EFCAB5: variants seen among roughly 807,000 people sequenced by gnomAD.
The protein encoded by EFCAB5 is EF-hand calcium-binding domain-containing protein 5.
EFCAB5 carries 131 observed loss-of-function variants against 167.9 expected under a neutral mutation model. The ratio of observed to expected loss-of-function variants is 0.78; its 90% CI spans 0.68 to 0.90. The LOEUF (loss-of-function observed/expected upper bound fraction) is 0.90. EFCAB5 is among the 40% of genes least tolerant of loss of function. The pLI is 0.00. For missense variants in EFCAB5, 1,663 were observed against 1,745.2 expected, an observed-to-expected ratio of 0.95 and a Z score of 0.84; for synonymous variants, 574 against 602.8, an observed-to-expected ratio of 0.95 and a Z score of 0.70.
intron 3 of EFCAB5, among the ~76,000 whole-genome samples, chr17:29,947,053 A>G (rs868709737): frequency 6.6e-6 from 1 of 151,950 alleles, no homozygotes; most frequent in Non-Finnish European, 1.5e-5. Flanking sequence ...AGGTGCCTGT[A>G]GTCCCAGTTA....
intron 14 of EFCAB5, chr17:30,068,684 A>G: frequency 3.8e-6 from 6 of 1,574,670 alleles, no homozygotes. Context: ...GTGAAGACGC[A>G]GAACAAGGCA....
chr17:30,064,511 G>A (rs2070509051), intron 14 of EFCAB5, among the ~76,000 whole-genome samples: 1 of 152,114 alleles, frequency 6.6e-6, no homozygotes, highest in South Asian at 2.1e-4. Context: ...AGTGAAGAAA[G>A]CCTACAATTA....
chr17:29,944,319 G>A (rs986436807), intron 3 of EFCAB5, among the ~76,000 whole-genome samples: 15 of 152,108 alleles, frequency 9.9e-5, no homozygotes, highest in Non-Finnish European at 7.4e-5. Flanking sequence ...GGACTCAGGC[G>A]ATCCTCCTGT....
chr17:30,099,731 G>A (rs902835052), intron 22 of EFCAB5, among the ~76,000 whole-genome samples: 2 of 152,178 alleles, frequency 1.3e-5, no homozygotes, highest in Admixed American at 1.3e-4. Flanking sequence ...CTCTGCTGAG[G>A]AGGTGGGTGG....
chr17:30,090,509 A>G lies in EFCAB5; in HGVS notation c.3772A>G (p.Arg1258Gly), dbSNP rs772733174. 6 of 1,613,902 alleles carry G rather than the reference A, an allele frequency of 3.7e-6. No individual in the cohort carries two copies. Among genetic ancestry groups the G allele is most frequent in the Admixed American group, 3.3e-5 (2 of 60,002 alleles). ...GCATATAGTAGTTCCACTTCGTGAGAGAACAGGAGAGGCTCTGGGAGTCCT... is the reference window on the plus strand; with the variant it reads ...GCATATAGTAGTTCCACTTCGTGAGGGAACAGGAGAGGCTCTGGGAGTCCT... ...ETHIVVPLRE[R>G]TGEALGVLDF... Residue 1258 changes from arginine (R) to glycine (G), a missense_variant, in exon 20 of 23, where the codon AGA (arginine) becomes GGA (glycine). By Grantham distance (125) the Arg-to-Gly change is moderately radical (BLOSUM62 -2). Transcript: ENST00000394835.
At position 30,090,520 on chromosome 17, in the gene EFCAB5, G is replaced by C. The variant is rs573288417; in HGVS notation, c.3783G>C (p.Glu1261Asp). 3 of 1,613,886 alleles carry C rather than the reference G, an allele frequency of 1.9e-6. No homozygotes were observed. The highest frequency in any genetic ancestry group is 2.5e-6 in the Non-Finnish European group (3 of 1,179,888). Reference sequence around the variant, plus strand: ...TTCCACTTCGTGAGAGAACAGGAGAGGCTCTGGGAGTCCTCGATTTTAACA... The same window carrying C: ...TTCCACTTCGTGAGAGAACAGGAGACGCTCTGGGAGTCCTCGATTTTAACA... ...IVVPLRERTG[E>D]ALGVLDFNIG... The change falls in exon 20 of 23, where the codon GAG becomes GAC. Residue 1261 changes from glutamate to aspartate, a missense_variant. Physicochemically the swap from Glu to Asp is conservative, Grantham distance 45. Coordinates refer to ENST00000394835, the MANE Select transcript of EFCAB5 (RefSeq NM_198529.4).
At chr17:30,022,274 G>T (rs2069198148) in intron 7 of EFCAB5, among the ~76,000 whole-genome samples, 1 of 152,130 alleles carries the variant, frequency 6.6e-6, no homozygotes, top group Admixed American at 6.6e-5. Flanking sequence ...ATGGGAGTGT[G>T]TCTGTAGGTA....
intron 14 of EFCAB5, chr17:30,074,151 G>GAC (rs967242368): frequency 6.6e-5 from 10 of 152,150 alleles, no homozygotes; most frequent in African/African-American, 1.9e-4. Context: ...TTTTGGGGGA[G>GAC]ACAGAGTCTC....
At position 30,092,069 on chromosome 17, in the gene EFCAB5, T is replaced by C; in HGVS notation, c.4136T>C (p.Val1379Ala). Residue 1379 changes from valine to alanine, a missense_variant, in exon 21 of 23, where the codon GTG (valine) becomes GCG (alanine). Coordinates refer to ENST00000394835, the MANE Select transcript of EFCAB5 (RefSeq NM_198529.4). ...SMELEANVKLVRDILKAVILF... is the reference protein window; with the variant it reads ...SMELEANVKLARDILKAVILF... ...GAGTTGGAAGCCAACGTGAAACTAGTGCGTGACATCCTGAAGGCGGTTATC... is the reference window on the plus strand; with the variant it reads ...GAGTTGGAAGCCAACGTGAAACTAGCGCGTGACATCCTGAAGGCGGTTATC... The C allele has an allele frequency of 1.2e-6, 2 of 1,613,990 alleles. No homozygotes were observed. The highest frequency in any genetic ancestry group is 1.7e-6 in the Non-Finnish European group (2 of 1,179,866).
chr17:30,002,286 G>A (rs532050831), intron 7 of EFCAB5, among the ~76,000 whole-genome samples: 63 of 152,168 alleles, frequency 4.1e-4, no homozygotes, highest in South Asian at 1.5e-3. Flanking sequence ...GTTATATTTT[G>A]CATGACTTTA....
intron 19 of EFCAB5, among the ~76,000 whole-genome samples, chr17:30,089,086 C>A (rs2071144774): frequency 6.6e-6 from 1 of 152,054 alleles, no homozygotes; most frequent in Non-Finnish European, 1.5e-5. Context: ...GCTATCCCTC[C>A]CCCTTCCCTC....
At chr17:30,095,550 G>A (rs1221508709) in intron 22 of EFCAB5, among the ~76,000 whole-genome samples, 2 of 152,098 alleles carry the variant, frequency 1.3e-5, no homozygotes, top group Non-Finnish European at 2.9e-5. Flanking sequence ...CATCATGGTG[G>A]CTCTCATAGG....
intron 7 of EFCAB5, among the ~76,000 whole-genome samples, chr17:30,002,528 T>A (rs557161082): frequency 2.6e-5 from 4 of 152,346 alleles, no homozygotes; most frequent in African/African-American, 9.6e-5. Flanking sequence ...AAAACATCAT[T>A]GTCTGAAATA....
At chr17:29,936,400 A>G (rs1209405719) in intron 1 of EFCAB5, among the ~76,000 whole-genome samples, 4 of 152,230 alleles carry the variant, frequency 2.6e-5, no homozygotes, top group Non-Finnish European at 5.9e-5. Context: ...GCACATGTAT[A>G]CATACATAAC....
chr17:30,093,422 C>A (rs2071237719), intron 22 of EFCAB5, among the ~76,000 whole-genome samples: 1 of 152,186 alleles, frequency 6.6e-6, no homozygotes, highest in Non-Finnish European at 1.5e-5. Flanking sequence ...GACCTGTATT[C>A]TCCCACCAGA....
At chr17:30,028,285 T>G (rs2069385716) in intron 7 of EFCAB5, among the ~76,000 whole-genome samples, 1 of 152,220 alleles carries the variant, frequency 6.6e-6, no homozygotes, top group African/African-American at 2.4e-5. Flanking sequence ...GATTCTGTCT[T>G]TCCTTTAATA....
intron 7 of EFCAB5, among the ~76,000 whole-genome samples, chr17:30,011,480 T>C (rs938420449): frequency 3.3e-5 from 5 of 152,344 alleles, no homozygotes; most frequent in East Asian, 1.9e-4. Context: ...TTTTATTTCA[T>C]TGAGCAGTGG....
chr17:29,961,346 T>G (rs1229496544), intron 3 of EFCAB5, among the ~76,000 whole-genome samples: 8 of 152,218 alleles, frequency 5.3e-5, no homozygotes, highest in Admixed American at 2.6e-4. Flanking sequence ...CTTTATATAT[T>G]CTGAATATTA....
chr17:30,078,717 A>C (rs1007671792), intron 15 of EFCAB5, among the ~76,000 whole-genome samples: 1 of 152,164 alleles, frequency 6.6e-6, no homozygotes, highest in South Asian at 2.1e-4. Flanking sequence ...GCAGAGGAGA[A>C]AGGTAGAAAA....
Sources: allele counts gnomAD v4.1 joint callset (sites outside exome capture counted in the v4.1 genomes callset), GRCh38; gene constraint gnomAD v4.1.1; transcripts MANE v1.5; gene names NCBI Gene and HGNC (gene_info 2026-07-23, HGNC 2026-07-21).